The following TEX26 variants were observed in gnomAD, a reference collection of about 807,000 sequenced individuals.
TEX26 encodes testis expressed 26.
A neutral mutation model predicts 35.3 loss-of-function variants in TEX26; 34 were observed. That is an observed-to-expected ratio of 0.96 (90% CI 0.73 to 1.28). The LOEUF is 1.28. Ranked by LOEUF, TEX26 falls within the 50% of genes most tolerant of loss-of-function variation. The pLI is 0.00. For synonymous variants in TEX26, 136 were observed against 111.8 expected (o/e 1.22, Z -1.36); for missense variants, 371 against 330.1 (o/e 1.12, Z -0.96).
intron 1 of TEX26, among the ~76,000 whole-genome samples, chr13:30,939,270 A>G (rs1056004618): frequency 3.3e-5 from 5 of 152,228 alleles, no homozygotes; most frequent in Non-Finnish European, 7.3e-5. Context: ...GATGTCCATT[A>G]TAAAACTTGA....
intron 6 of TEX26, among the ~76,000 whole-genome samples, chr13:30,974,117 T>A (rs1954799037): frequency 2.6e-5 from 1 of 39,022 alleles, no homozygotes; most frequent in African/African-American, 1.3e-4. Flanking sequence ...TGAGCCTCCA[T>A]CTAAAAAAAA....
intron 1 of TEX26, among the ~76,000 whole-genome samples, chr13:30,937,919 C>T (rs1188903523): frequency 6.6e-6 from 1 of 152,182 alleles, no homozygotes; most frequent in African/African-American, 2.4e-5. Flanking sequence ...AAGAGGTTCA[C>T]AGATAACAGG....
chr13:30,963,026 C>T (rs1954404713), intron 4 of TEX26, among the ~76,000 whole-genome samples: 1 of 151,204 alleles, frequency 6.6e-6, no homozygotes, highest in African/African-American at 2.4e-5. Context: ...GACGGGGTTT[C>T]TCAGTGTTAG....
intron 2 of TEX26, among the ~76,000 whole-genome samples, chr13:30,952,276 T>G (rs1287776313): frequency 6.6e-6 from 1 of 152,030 alleles, no homozygotes; most frequent in Non-Finnish European, 1.5e-5. Flanking sequence ...TTGAAACTAG[T>G]GATATTTCAA....
chr13:30,956,286 A>G (rs1216771855), intron 3 of TEX26, among the ~76,000 whole-genome samples: 4 of 150,720 alleles, frequency 2.7e-5, no homozygotes, highest in Admixed American at 2.7e-4. Flanking sequence ...TGTCCTTGCA[A>G]TAGTTTGCTG....
At chr13:30,955,412 C>T (rs927740586) in intron 3 of TEX26, among the ~76,000 whole-genome samples, 3 of 152,192 alleles carry the variant, frequency 2.0e-5, no homozygotes, top group African/African-American at 7.2e-5. Flanking sequence ...GGGACCTCTG[C>T]ACAGCAAATG....
At chr13:30,940,240 C>T (rs1230186349) in intron 2 of TEX26, among the ~76,000 whole-genome samples, 1 of 151,362 alleles carries the variant, frequency 6.6e-6, no homozygotes, top group African/African-American at 2.4e-5. Flanking sequence ...CTCCACTCCT[C>T]CAGATACTGC....
chr13:30,932,868 A>T, intron 1 of TEX26, 92 bp downstream of exon 1: 1 of 1,416,054 alleles, frequency 7.1e-7, no homozygotes, highest in Non-Finnish European at 9.7e-7. Context: ...TTAGTATTTA[A>T]GGGTGTGGCA....
intron 4 of TEX26, among the ~76,000 whole-genome samples, chr13:30,960,217 A>G (rs1312547528): frequency 6.6e-6 from 1 of 151,882 alleles, no homozygotes; most frequent in South Asian, 2.1e-4. Context: ...TGTTCTGTTT[A>G]TTTGAAAACT....
chr13:30,970,775 G>C (rs902605330), intron 6 of TEX26, among the ~76,000 whole-genome samples: 1 of 152,110 alleles, frequency 6.6e-6, no homozygotes, highest in Non-Finnish European at 1.5e-5. Context: ...CCTTAGTGGC[G>C]CCCCTGAGGG....
intron 1 of TEX26, among the ~76,000 whole-genome samples, chr13:30,939,334 A>C (rs1186998581): frequency 6.6e-6 from 1 of 152,234 alleles, no homozygotes; most frequent in Non-Finnish European, 1.5e-5. Context: ...CTATAGGTAC[A>C]TCTAATATGA....
rs139860090 is a variant in TEX26 at position 30,974,636 on chromosome 13, C to T, written c.809-210C>T. 9.1e-4 allele frequency among the ~76,000 whole-genome samples: 138 copies of T among 152,278 alleles called. 2 individuals carry two copies. The East Asian group carries it at 0.023, about 25-fold the overall frequency. The stretch of plus-strand genomic sequence containing the variant: ...TTCTGTCCAGTAAGTTTGCTAATCC[C>T]TTGAGTATTAAGTTTACTCTTCTTA... On this transcript the variant is annotated intron_variant, in intron 6 of 6. Transcript: ENST00000380473.
intron 6 of TEX26, among the ~76,000 whole-genome samples, chr13:30,971,218 G>C (rs186679498): frequency 1.3e-5 from 2 of 152,292 alleles, no homozygotes; most frequent in East Asian, 3.9e-4. Context: ...TCATTTTCTT[G>C]TGTCAGGCAT....
At chr13:30,940,569 G>A (rs555101516) in intron 2 of TEX26, among the ~76,000 whole-genome samples, 1 of 152,086 alleles carries the variant, frequency 6.6e-6, no homozygotes, top group African/African-American at 2.4e-5. Context: ...TCCTGACCTT[G>A]TGATCCGCCC....
chr13:30,954,892 G>A (rs1309037818), intron 3 of TEX26, among the ~76,000 whole-genome samples: 1 of 152,144 alleles, frequency 6.6e-6, no homozygotes, highest in Non-Finnish European at 1.5e-5. Flanking sequence ...ACTATTGAAG[G>A]CTCTCAACCA....
chr13:30,939,660 T>C lies in TEX26; in HGVS notation c.62-34T>C, dbSNP rs1336383810. On this transcript the variant is annotated intron_variant, in intron 1 of 6. Transcript: ENST00000380473. Reference sequence around the variant, plus strand: ...AACATTTCTTCAAAATATTCTGGTTTGCCATATTTAAAACTGCTTTATTGT... The same window carrying C: ...AACATTTCTTCAAAATATTCTGGTTCGCCATATTTAAAACTGCTTTATTGT... 5 of 1,519,338 alleles carry C rather than the reference T, an allele frequency of 3.3e-6. No homozygotes were observed. In the Admixed American group the frequency reaches 8.5e-5, roughly 26 times the overall value. 94.1% of individuals were successfully genotyped at this position (1,519,338 alleles called of 1,614,324 possible). A position where few individuals can be genotyped will look rare whatever the true frequency, so the allele number is the denominator to read the frequency against.
intron 2 of TEX26, among the ~76,000 whole-genome samples, chr13:30,943,320 C>A (rs1262280095): frequency 6.6e-6 from 1 of 152,072 alleles, no homozygotes; most frequent in African/African-American, 2.4e-5. Flanking sequence ...TATAGCAGTG[C>A]TACTGATTTG....
chr13:30,963,068 T>C (rs1475818113), intron 4 of TEX26, among the ~76,000 whole-genome samples: 1 of 152,004 alleles, frequency 6.6e-6, no homozygotes, highest in Non-Finnish European at 1.5e-5. Context: ...GACCTCGTGA[T>C]CCACCCGCCT....
At chr13:30,940,025 T>TGTGGTTTACAGCA (rs1197109243) in intron 2 of TEX26, among the ~76,000 whole-genome samples, 3 of 152,188 alleles carry the variant, frequency 2.0e-5, no homozygotes, top group African/African-American at 7.2e-5. Context: ...TCCTGTATAT[T>TGTGGTTTACAGCA]GTGGTTTACA....
Sources: gnomAD v4.1 joint callset for allele counts (sites outside exome capture counted in the v4.1 genomes callset) on GRCh38, gnomAD v4.1.1 for gene constraint, MANE v1.5 for transcripts, NCBI Gene and HGNC (gene_info 2026-07-23, HGNC 2026-07-21) for gene names.